The following CSGALNACT1 variants were observed in gnomAD, a reference collection of about 807,000 sequenced individuals.
The protein encoded by CSGALNACT1 is chondroitin sulfate N-acetylgalactosaminyltransferase 1.
CSGALNACT1 carries 52 observed loss-of-function variants against 51.0 expected under a neutral mutation model. The observed-to-expected ratio is 1.02, with a 90% CI of 0.82 to 1.29. The LOEUF (loss-of-function observed/expected upper bound fraction) is 1.29, where lower values mean the gene tolerates loss of function less well. Ranked by LOEUF, CSGALNACT1 falls within the 50% of genes most tolerant of loss-of-function variation. The pLI is 0.00. For synonymous variants in CSGALNACT1, 341 were observed against 254.4 expected (o/e 1.34, Z -3.24); for missense variants, 935 against 679.2 (o/e 1.38, Z -4.19).
rs543340657 is a variant in CSGALNACT1, at chr8:19,747,368, C to T, written c.-297+10482G>A. 2.0e-5 allele frequency among the ~76,000 whole-genome samples: 3 copies of T among 152,294 alleles called. No homozygotes were observed. The East Asian group carries it at 5.8e-4, about 29-fold the overall frequency. On this transcript the variant is annotated intron_variant, in intron 1 of 1. Coordinates refer to the CSGALNACT1 transcript ENST00000517494. ...AGGCGTTCCCTGAGGCCTCTGTTAT[C>T]CACACTAATAATGCCCCAAGCACTG...
In CSGALNACT1 at chr8:19,599,437, GAAAGAA is replaced by G. The variant is rs1423583881; in HGVS notation, c.-416+2328_-416+2333del. Among the ~76,000 whole-genome samples the G allele has an allele frequency of 1.9e-3, 203 of 109,008 alleles. 2 individuals carry two copies. Among genetic ancestry groups the G allele is most frequent in the African/African-American group, 6.6e-3 (187 of 28,330 alleles). The allele number at this position is 109,008 out of a possible 152,430, so 71.5% of individuals were successfully genotyped here. On this transcript the variant is annotated intron_variant, in intron 2 of 9. Coordinates refer to ENST00000454498, the Ensembl canonical transcript of CSGALNACT1. ...GAAAGGAAGGAAGGAAGGAAAGGAA[GAAAGAA>G]AAAGAAAAAGAAAAGAAAGAAAGAA... is the stretch of plus-strand genomic sequence containing the variant.
rs116112862 is a variant in CSGALNACT1 at position 19,714,300 on chromosome 8, G to C, written c.-297+43550C>G. ...AATTATAATTTTGTCTTTCTCTTTT[G>C]TTTACAACTGTTGGAGTATAACATA... On this transcript the variant is annotated intron_variant, in intron 1 of 1. Coordinates refer to the CSGALNACT1 transcript ENST00000517494. Among the ~76,000 whole-genome samples, 1,262 of 150,774 alleles carry C rather than the reference G, an allele frequency of 8.4e-3. 15 individuals carry two copies. Among genetic ancestry groups the C allele is most frequent in the African/African-American group, 0.029 (1,190 of 41,082 alleles).
At chr8:19,563,270 T>C (rs1023361500) in intron 3 of CSGALNACT1, among the ~76,000 whole-genome samples, 1 of 151,984 alleles carries the variant, frequency 6.6e-6, no homozygotes, top group South Asian at 2.1e-4. Flanking sequence ...CACAATCGGG[T>C]CTGTCAGGAG....
At chr8:19,553,101 G>C (rs1246788059) in intron 3 of CSGALNACT1, among the ~76,000 whole-genome samples, 2 of 152,082 alleles carry the variant, frequency 1.3e-5, no homozygotes, top group African/African-American at 2.4e-5. Flanking sequence ...ATTTGAGCCT[G>C]GCCTCACACA....
intron 4 of CSGALNACT1, among the ~76,000 whole-genome samples, chr8:19,459,647 C>G (rs544228101): frequency 9.7e-4 from 148 of 152,290 alleles, no homozygotes; most frequent in Middle Eastern, 6.8e-3. Flanking sequence ...TCAAGCCAAA[C>G]TGCCTGGGTT....
At chr8:19,556,323 C>A (rs1039335922) in intron 3 of CSGALNACT1, among the ~76,000 whole-genome samples, 2 of 151,462 alleles carry the variant, frequency 1.3e-5, no homozygotes, top group African/African-American at 2.4e-5. Context: ...TTGCAGTGAG[C>A]CGAAATTGCA....
intron 1 of CSGALNACT1, among the ~76,000 whole-genome samples, chr8:19,652,457 C>T (rs930935330): frequency 1.3e-5 from 2 of 152,164 alleles, no homozygotes; most frequent in African/African-American, 4.8e-5. Flanking sequence ...TTACCTCCAT[C>T]CCTTCTAATT....
intron 1 of CSGALNACT1, among the ~76,000 whole-genome samples, chr8:19,609,284 A>G (rs1158097367): frequency 6.7e-6 from 1 of 150,304 alleles, no homozygotes; most frequent in East Asian, 1.9e-4. Flanking sequence ...AAAAAGATTT[A>G]TGCATACAGA....
chr8:19,683,212 C>G (rs560670155), upstream of CSGALNACT1: 90 of 154,984 alleles, frequency 5.8e-4, no homozygotes, highest in Admixed American at 1.6e-3. Flanking sequence ...TAAAATTCTA[C>G]AAGGTCTGTG....
chr8:19,723,431 G>C (rs1017148280), intron 1 of CSGALNACT1, among the ~76,000 whole-genome samples: 1 of 152,132 alleles, frequency 6.6e-6, no homozygotes, highest in Non-Finnish European at 1.5e-5. Flanking sequence ...TCAAATGCAA[G>C]GTACCATTCT....
intron 4 of CSGALNACT1, among the ~76,000 whole-genome samples, chr8:19,487,137 A>T (rs1250242227): frequency 1.3e-5 from 2 of 152,204 alleles, no homozygotes; most frequent in Admixed American, 1.3e-4. Flanking sequence ...TGACAACTCT[A>T]AAGAGCTTAA....
At chr8:19,569,937 C>T (rs1367452684) in intron 3 of CSGALNACT1, among the ~76,000 whole-genome samples, 1 of 152,124 alleles carries the variant, frequency 6.6e-6, no homozygotes, top group Non-Finnish European at 1.5e-5. Flanking sequence ...TTAAAGAAGT[C>T]ACACATAAAG....
At chr8:19,732,687 A>G (rs961735746) in intron 1 of CSGALNACT1, 9 of 152,240 alleles carry the variant, frequency 5.9e-5, no homozygotes, top group African/African-American at 2.2e-4. Context: ...CACTTTAGGC[A>G]ATAGATCAAG....
chr8:19,449,591 G>T (rs1468606276), intron 5 of CSGALNACT1, among the ~76,000 whole-genome samples: 2 of 151,968 alleles, frequency 1.3e-5, no homozygotes. Flanking sequence ...CACCTTAATG[G>T]TTCTAGGCCA....
chr8:19,616,549 T>C (rs2053042320), intron 1 of CSGALNACT1, among the ~76,000 whole-genome samples: 1 of 152,180 alleles, frequency 6.6e-6, no homozygotes, highest in Non-Finnish European at 1.5e-5. Context: ...TAATCTGCAA[T>C]GTTGGAGGTG....
Position 19,505,257 on chromosome 8 carries a change from C to T in CSGALNACT1, c.578G>A (p.Ser193Asn), listed in dbSNP as rs7017776. The change falls in exon 4 of 10, where the codon AGT (serine) becomes AAT (asparagine). Residue 193 changes from serine to asparagine, a missense_variant. Ser to Asn is a conservative substitution (Grantham distance 46). Coordinates refer to ENST00000454498, the Ensembl canonical transcript of CSGALNACT1. ...GTGATTGGGGCTGTTCTCTGCAGGA[C>T]TGTTCAGGGTCTCCAAGGCTGATTC... 0.8 allele frequency: 1,292,274 copies of T among 1,613,820 alleles called. 519,778 individuals carry two copies. The highest frequency in any genetic ancestry group is 0.88 in the Admixed American group (52,851 of 60,016).
At chr8:19,681,402 C>A (rs990030092) in intron 1 of CSGALNACT1, among the ~76,000 whole-genome samples, 1 of 152,116 alleles carries the variant, frequency 6.6e-6, no homozygotes, top group Non-Finnish European at 1.5e-5. Flanking sequence ...TCCTTCGCGC[C>A]CCCATCCCCA....
chr8:19,452,181 T>A (rs991438143), intron 5 of CSGALNACT1, among the ~76,000 whole-genome samples: 1 of 152,136 alleles, frequency 6.6e-6, no homozygotes, highest in Non-Finnish European at 1.5e-5. Flanking sequence ...CTGGCCCCAC[T>A]GACCGCCTCC....
intron 1 of CSGALNACT1, among the ~76,000 whole-genome samples, chr8:19,676,256 T>A (rs995175040): frequency 6.6e-6 from 1 of 151,978 alleles, no homozygotes; most frequent in African/African-American, 2.4e-5. Context: ...AACTCCAACA[T>A]GACCCAGATG....
Sources: allele counts gnomAD v4.1 joint callset (sites outside exome capture counted in the v4.1 genomes callset), GRCh38; gene constraint gnomAD v4.1.1; transcripts MANE v1.5; gene names NCBI Gene and HGNC (gene_info 2026-07-23, HGNC 2026-07-21).